MICU1: variants seen among roughly 807,000 people sequenced by gnomAD.
MICU1 encodes mitochondrial calcium uptake 1, also known as calcium uptake protein 1, mitochondrial.
A neutral mutation model predicts 56.8 loss-of-function variants in MICU1; 45 were observed. The ratio of observed to expected loss-of-function variants is 0.79; its 90% CI spans 0.62 to 1.02. The LOEUF (loss-of-function observed/expected upper bound fraction) is 1.02. MICU1 is among the 50% of genes least tolerant of loss of function. MICU1 has a pLI of 0.00. For synonymous variants in MICU1, 186 were observed against 195.1 expected, an observed-to-expected ratio of 0.95 and a Z score of 0.39; for missense variants, 504 against 587.1, an observed-to-expected ratio of 0.86 and a Z score of 1.46.
At chr10:72,420,362 T>C (rs990870887) in intron 9 of MICU1, among the ~76,000 whole-genome samples, 2 of 152,074 alleles carry the variant, frequency 1.3e-5, no homozygotes, top group Non-Finnish European at 2.9e-5. Context: ...CGCCCAGCCA[T>C]AAGACATGTC....
chr10:72,409,588 G>A (rs1863740569), intron 9 of MICU1, among the ~76,000 whole-genome samples: 1 of 152,198 alleles, frequency 6.6e-6, no homozygotes, highest in Non-Finnish European at 1.5e-5. Flanking sequence ...CTATTTGGGA[G>A]GCTGAGGTGG....
In MICU1 at chr10:72,436,020, C is replaced by G. The variant is rs542267695; in HGVS notation, c.934-12649G>C. On this transcript the variant is annotated intron_variant, in intron 8 of 11. Transcript: ENST00000361114. ...AGACTTAAACGTCCCCGTCTGACAG[C>G]TCTGAAGAGAGCAGTGGTTCTCCCA... Among the ~76,000 whole-genome samples the G allele has an allele frequency of 3.3e-5, 5 of 152,372 alleles. No individual in the cohort carries two copies. In the South Asian group the frequency reaches 1.0e-3, roughly 32 times the overall value.
At position 72,428,958 on chromosome 10, in the gene MICU1, C is replaced by T. The variant is rs1001615074; in HGVS notation, c.934-5587G>A. On this transcript the variant is annotated intron_variant, in intron 8 of 11. Transcript: ENST00000361114. ...GCCTGGATCCAAATTCTGGCCTGAA[C>T]CCATACTTGCTGGCTGTGACTTCAA... 3.9e-4 allele frequency among the ~76,000 whole-genome samples: 59 copies of T among 152,300 alleles called. 2 individuals carry two copies. Among genetic ancestry groups the T allele is most frequent in the Admixed American group, 2.6e-3 (40 of 15,294 alleles).
At chr10:72,426,914 A>G (rs755737935) in intron 8 of MICU1, among the ~76,000 whole-genome samples, 6 of 152,236 alleles carry the variant, frequency 3.9e-5, no homozygotes, top group Non-Finnish European at 8.8e-5. Flanking sequence ...TTACAAAATT[A>G]TCATAATGTA....
rs1313665774 is a variant in MICU1 at position 72,459,204 on chromosome 10, G to A, written c.933+15896C>T. Reference sequence around the variant, plus strand: ...AAATTAGCTGGGTGTGGTGGCGCATGTCTATAGTCTCAACTACTTGGGAGG... The same window carrying A: ...AAATTAGCTGGGTGTGGTGGCGCATATCTATAGTCTCAACTACTTGGGAGG... On this transcript the variant is annotated intron_variant, in intron 8 of 11. Coordinates refer to ENST00000361114, the MANE Select transcript of MICU1 (RefSeq NM_001195518.2). Among the ~76,000 whole-genome samples the A allele has an allele frequency of 3.3e-5, 5 of 152,142 alleles. No individual in the cohort carries two copies. The South Asian group carries it at 6.2e-4, about 19-fold the overall frequency.
chr10:72,586,606 C>T (rs1174768964), intron 1 of MICU1, among the ~76,000 whole-genome samples: 1 of 151,364 alleles, frequency 6.6e-6, no homozygotes, highest in East Asian at 2.0e-4. Flanking sequence ...GAGCCAAGAT[C>T]GTGCCACTGT....
intron 8 of MICU1, among the ~76,000 whole-genome samples, chr10:72,472,361 A>C (rs1340455397): frequency 6.6e-6 from 1 of 152,190 alleles, no homozygotes; most frequent in East Asian, 1.9e-4. Context: ...TTTTGCTTCT[A>C]TTATTGTTGA....
chr10:72,389,072 C>G (rs1862984552), intron 10 of MICU1, among the ~76,000 whole-genome samples: 4 of 152,194 alleles, frequency 2.6e-5, no homozygotes, highest in African/African-American at 9.7e-5. Context: ...ATGAGAGTTG[C>G]TGTTAGTGTT....
intron 6 of MICU1, among the ~76,000 whole-genome samples, chr10:72,498,722 T>G (rs145962742): frequency 3.5e-4 from 53 of 152,362 alleles, no homozygotes; most frequent in African/African-American, 1.3e-3. Context: ...ATCTCCCATT[T>G]GATCCTCAGA....
intron 8 of MICU1, among the ~76,000 whole-genome samples, chr10:72,432,966 G>C (rs749303554): frequency 6.5e-4 from 99 of 152,114 alleles, no homozygotes; most frequent in Non-Finnish European, 7.4e-4. Context: ...TTTTTTTTGA[G>C]ACGGAGTCTC....
intron 8 of MICU1, among the ~76,000 whole-genome samples, chr10:72,454,088 TCC>T (rs1865381137): frequency 6.6e-6 from 1 of 151,972 alleles, no homozygotes; most frequent in African/African-American, 2.4e-5. Context: ...TGCTGCTGCT[TCC>T]CAAAGTGCTC....
intron 6 of MICU1, among the ~76,000 whole-genome samples, chr10:72,501,958 A>G (rs1315331283): frequency 6.6e-6 from 1 of 152,118 alleles, no homozygotes; most frequent in Non-Finnish European, 1.5e-5. Context: ...TCTTAATTTT[A>G]TTTTTAAGTC....
At chr10:72,562,527 G>A (rs1840326484) in intron 3 of MICU1, among the ~76,000 whole-genome samples, 1 of 152,120 alleles carries the variant, frequency 6.6e-6, no homozygotes, top group South Asian at 2.1e-4. Flanking sequence ...TAGAAGTTAT[G>A]TTTCCAAAGA....
chr10:72,620,484 C>A (rs1338169568), intron 1 of MICU1, among the ~76,000 whole-genome samples: 2 of 152,170 alleles, frequency 1.3e-5, no homozygotes, highest in African/African-American at 2.4e-5. Context: ...CTGCACCTGG[C>A]CAAGCACTTC....
At chr10:72,605,908 A>T (rs1313258974) in intron 1 of MICU1, among the ~76,000 whole-genome samples, 2 of 152,124 alleles carry the variant, frequency 1.3e-5, no homozygotes, top group Admixed American at 1.3e-4. Context: ...AGGTGGGTGG[A>T]TCACCTGAGG....
chr10:72,468,681 A>AT (rs1057399160), intron 8 of MICU1, among the ~76,000 whole-genome samples: 2 of 152,178 alleles, frequency 1.3e-5, no homozygotes, highest in Non-Finnish European at 2.9e-5. Flanking sequence ...GCAGCTAATA[A>AT]TTCTTGTGAT....
At chr10:72,434,948 T>C (rs1383619307) in intron 8 of MICU1, among the ~76,000 whole-genome samples, 1 of 152,158 alleles carries the variant, frequency 6.6e-6, no homozygotes, top group Non-Finnish European at 1.5e-5. Context: ...TTCCTAAAGA[T>C]GTGGCAAACT....
intron 4 of MICU1, among the ~76,000 whole-genome samples, chr10:72,536,646 C>A (rs1028975739): frequency 3.3e-5 from 5 of 151,932 alleles, no homozygotes; most frequent in African/African-American, 1.2e-4. Flanking sequence ...CCACCGTGCC[C>A]AGACAAAAAT....
chr10:72,474,258 C>CAAAAAAAAAAA (rs55978543), intron 8 of MICU1, among the ~76,000 whole-genome samples: 35 of 60,730 alleles, frequency 5.8e-4, no homozygotes, highest in East Asian at 1.2e-3. Context: ...AGGACTGTCT[C>CAAAAAAAAAAA]AAAAAAAAAA....
Sources: gnomAD v4.1 joint callset for allele counts (sites outside exome capture counted in the v4.1 genomes callset) on GRCh38, gnomAD v4.1.1 for gene constraint, MANE v1.5 for transcripts, NCBI Gene and HGNC (gene_info 2026-07-23, HGNC 2026-07-21) for gene names.